The following NELL1 variants were observed in gnomAD, a reference collection of about 807,000 sequenced individuals.
NELL1 encodes protein kinase C-binding protein NELL1.
Under a neutral mutation model 107.4 loss-of-function variants are expected in NELL1, and 76 were observed. The observed-to-expected ratio is 0.71, with a 90% CI of 0.59 to 0.86. The LOEUF (loss-of-function observed/expected upper bound fraction) is 0.86. Ranked by LOEUF, NELL1 falls within the 40% of genes least tolerant of loss-of-function variation. The pLI is 0.00. For missense variants in NELL1, 1,024 were observed against 1,005.5 expected (o/e 1.02, Z -0.25); for synonymous variants, 353 against 341.2 (o/e 1.03, Z -0.38).
chr11:21,300,802 G>A (rs115076313), intron 14 of NELL1, among the ~76,000 whole-genome samples: 2,574 of 151,996 alleles, frequency 0.017, 78 homozygotes, highest in African/African-American at 0.057. Context: ...CGGGCACAAC[G>A]TGCAGGTTGG....
intron 12 of NELL1, among the ~76,000 whole-genome samples, chr11:21,093,839 C>A (rs1002528662): frequency 1.3e-5 from 2 of 152,128 alleles, no homozygotes; most frequent in African/African-American, 2.4e-5. Flanking sequence ...CCCACTGGGT[C>A]CTTCACACAA....
chr11:21,533,614 G>GTGA (rs1856051189), intron 15 of NELL1, among the ~76,000 whole-genome samples: 1 of 152,074 alleles, frequency 6.6e-6, no homozygotes, highest in Non-Finnish European at 1.5e-5. Flanking sequence ...CGGGTATTTG[G>GTGA]TGATTCTAAA....
In NELL1 at chr11:20,778,498, CTTTTTTTTTT is replaced by C. The variant is rs1161737750; in HGVS notation, c.185-5167_185-5158del. ...TCCAATCTCCTCCCTTCACCCAGCA[CTTTTTTTTTT>C]TTTTTTTTTTTTTTGCTGATGTTTA... On this transcript the variant is annotated intron_variant, in intron 2 of 19. Transcript: ENST00000357134. Among the ~76,000 whole-genome samples, 6 of 73,034 alleles carry C rather than the reference CTTTTTTTTTT, an allele frequency of 8.2e-5. 1 individual carries two copies. The highest frequency in any genetic ancestry group is 4.8e-4 in the South Asian group (1 of 2,090). The allele number at this position is 73,034 out of a possible 152,430, so 47.9% of individuals were successfully genotyped here.
At chr11:21,306,538 A>C (rs1312241734) in intron 14 of NELL1, among the ~76,000 whole-genome samples, 4 of 152,030 alleles carry the variant, frequency 2.6e-5, no homozygotes, top group Admixed American at 6.6e-5. Flanking sequence ...CAGTATGTCG[A>C]TGTTTTTATT....
chr11:21,207,702 T>C (rs991119372), intron 13 of NELL1, among the ~76,000 whole-genome samples: 1 of 152,160 alleles, frequency 6.6e-6, no homozygotes, highest in Non-Finnish European at 1.5e-5. Context: ...CTAAGCCAAC[T>C]ATGCCAAGTT....
intron 12 of NELL1, among the ~76,000 whole-genome samples, chr11:21,112,711 A>G (rs1855135983): frequency 1.3e-5 from 2 of 152,058 alleles, no homozygotes; most frequent in South Asian, 4.1e-4. Context: ...TGATGAGGAT[A>G]CTTGGACCCA....
At chr11:20,681,973 A>T (rs1456903016) in intron 2 of NELL1, among the ~76,000 whole-genome samples, 1 of 152,090 alleles carries the variant, frequency 6.6e-6, no homozygotes, top group Admixed American at 6.6e-5. Context: ...TCTTGTGATT[A>T]TGTTGGAACC....
intron 3 of NELL1, among the ~76,000 whole-genome samples, chr11:20,817,586 A>T (rs1857650996): frequency 6.6e-6 from 1 of 151,818 alleles, no homozygotes; most frequent in Admixed American, 6.6e-5. Context: ...TCAAAAATCC[A>T]ATCTTTGGTT....
intron 16 of NELL1, among the ~76,000 whole-genome samples, chr11:21,553,807 G>A (rs1856644695): frequency 1.3e-5 from 2 of 151,802 alleles, no homozygotes; most frequent in Non-Finnish European, 2.9e-5. Context: ...TTACAGCTAA[G>A]CATACAAGAA....
chr11:20,689,555 G>A (rs1305484984), intron 2 of NELL1, among the ~76,000 whole-genome samples: 9 of 148,792 alleles, frequency 6.0e-5, no homozygotes, highest in Non-Finnish European at 1.3e-4. Flanking sequence ...TTGTCCTTGC[G>A]ATAGTTTACT....
chr11:21,172,273 G>A (rs1197103416), intron 13 of NELL1, among the ~76,000 whole-genome samples: 1 of 151,830 alleles, frequency 6.6e-6, no homozygotes, highest in Non-Finnish European at 1.5e-5. Context: ...CACATCAGTA[G>A]ACCAAGGAAT....
intron 5 of NELL1, among the ~76,000 whole-genome samples, chr11:20,886,230 C>T (rs960078440): frequency 9.9e-5 from 15 of 152,036 alleles, no homozygotes; most frequent in African/African-American, 3.1e-4. Flanking sequence ...AACAAACCTG[C>T]GTGTGTACCC....
intron 4 of NELL1, among the ~76,000 whole-genome samples, chr11:20,852,743 C>G (rs2134063638): frequency 6.6e-6 from 1 of 152,274 alleles, no homozygotes; most frequent in South Asian, 2.1e-4. Context: ...AATACAAGAG[C>G]ACAACTCATT....
chr11:21,104,062 G>C (rs1164391585), intron 12 of NELL1, among the ~76,000 whole-genome samples: 1 of 152,132 alleles, frequency 6.6e-6, no homozygotes, highest in African/African-American at 2.4e-5. Context: ...AAAGACGATA[G>C]TAGCTTTTAC....
chr11:20,689,515 T>C (rs1387502174), intron 2 of NELL1, among the ~76,000 whole-genome samples: 1 of 145,130 alleles, frequency 6.9e-6, no homozygotes, highest in African/African-American at 2.6e-5. Context: ...AATTCCCATC[T>C]ATGAGTGAGA....
Position 21,113,437 on chromosome 11 carries a change from C to T in NELL1, c.1301-152C>T, listed in dbSNP as rs569768044. The T allele has an allele frequency of 4.8e-4, 343 of 721,592 alleles. No homozygotes were observed. The African/African-American group carries it at 5.5e-3, about 12-fold the overall frequency. The allele number at this position is 721,592 out of a possible 1,614,324, so 44.7% of individuals were successfully genotyped here. A position where few individuals can be genotyped will look rare whatever the true frequency, so the allele number is the denominator to read the frequency against. ...TCAGGATGGGATCTAACGTACCAAGCTGAATTTTCACCTAAGCTTTTGTGT... is the reference window on the plus strand; with the variant it reads ...TCAGGATGGGATCTAACGTACCAAGTTGAATTTTCACCTAAGCTTTTGTGT... On this transcript the variant is annotated intron_variant, in intron 12 of 19. Coordinates refer to ENST00000357134, the MANE Select transcript of NELL1 (RefSeq NM_006157.5).
intron 14 of NELL1, among the ~76,000 whole-genome samples, chr11:21,329,731 T>C (rs1850230257): frequency 6.6e-6 from 1 of 152,130 alleles, no homozygotes; most frequent in African/African-American, 2.4e-5. Context: ...CCTTTTTTAC[T>C]AGATGTCTTG....
At chr11:21,527,133 A>C (rs139784458) in intron 15 of NELL1, among the ~76,000 whole-genome samples, 1 of 152,234 alleles carries the variant, frequency 6.6e-6, no homozygotes, top group East Asian at 1.9e-4. Context: ...CTCAAGTTCA[A>C]AGTTCCACAG....
intron 13 of NELL1, among the ~76,000 whole-genome samples, chr11:21,149,611 T>C (rs919060443): frequency 1.2e-4 from 18 of 152,200 alleles, no homozygotes; most frequent in African/African-American, 4.3e-4. Context: ...TTATTGTAAT[T>C]CAAGGTGAGA....
Sources: allele counts gnomAD v4.1 joint callset (sites outside exome capture counted in the v4.1 genomes callset), GRCh38; gene constraint gnomAD v4.1.1; transcripts MANE v1.5; gene names NCBI Gene and HGNC (gene_info 2026-07-23, HGNC 2026-07-21).